KIAA1958: variants seen among roughly 807,000 people sequenced by gnomAD.
The protein encoded by KIAA1958 is KIAA1958.
In KIAA1958, 14 loss-of-function variants were observed where a neutral mutation model predicts 47.2. The ratio of observed to expected loss-of-function variants is 0.30; its 90% CI spans 0.20 to 0.46. The LOEUF (loss-of-function observed/expected upper bound fraction) is 0.46, where lower values mean the gene tolerates loss of function less well. Ranked by LOEUF, KIAA1958 falls within the 20% of genes least tolerant of loss-of-function variation. The probability of loss-of-function intolerance (pLI) is 1.00; values close to 1 mark genes in which losing one functional copy is unlikely to be tolerated. For synonymous variants in KIAA1958, 354 were observed against 353.3 expected (o/e 1.00, Z -0.02); for missense variants, 803 against 909.2 (o/e 0.88, Z 1.50).
intron 1 of KIAA1958, among the ~76,000 whole-genome samples, chr9:112,505,582 A>G (rs1199507733): frequency 3.9e-5 from 6 of 152,356 alleles, no homozygotes; most frequent in Non-Finnish European, 8.8e-5. Context: ...CAGGCAATGT[A>G]GTAATTTATT....
Position 112,665,269 on chromosome 9 carries a change from A to AT in KIAA1958, c.*5206dup, listed in dbSNP as rs953850688. 2.0e-5 allele frequency: 3 copies of AT among 152,110 alleles called. No homozygotes were observed. Among genetic ancestry groups the AT allele is most frequent in the African/African-American group, 4.8e-5 (2 of 41,494 alleles). The allele number at this position is 152,110 out of a possible 1,614,324, so 9.4% of individuals were successfully genotyped here. On this transcript the variant is annotated 3_prime_UTR_variant, in exon 4 of 4. Coordinates refer to ENST00000337530, the MANE Select transcript of KIAA1958 (RefSeq NM_133465.4). ...ACTGTGGTTATTGTTACATCTACTGATTTTTTCAAATAAAAATTTCTAGAA... is the reference window on the plus strand; with the variant it reads ...ACTGTGGTTATTGTTACATCTACTGATTTTTTTCAAATAAAAATTTCTAGAA...
intron 1 of KIAA1958, among the ~76,000 whole-genome samples, chr9:112,567,918 A>G (rs912449814): frequency 2.2e-5 from 3 of 134,184 alleles, no homozygotes; most frequent in African/African-American, 8.6e-5. Flanking sequence ...AGATTGTGCC[A>G]CTGTACAATC....
At chr9:112,610,911 A>G (rs1482787884) in intron 2 of KIAA1958, among the ~76,000 whole-genome samples, 1 of 152,244 alleles carries the variant, frequency 6.6e-6, no homozygotes, top group Non-Finnish European at 1.5e-5. Flanking sequence ...AGTGGGATTC[A>G]TAACAGACAT....
intron 1 of KIAA1958, among the ~76,000 whole-genome samples, chr9:112,555,813 G>T (rs567914910): frequency 6.6e-6 from 1 of 152,250 alleles, no homozygotes; most frequent in South Asian, 2.1e-4. Flanking sequence ...GGTGGCTCAC[G>T]CCTGTAATCC....
At chr9:112,590,359 T>TA in intron 2 of KIAA1958, among the ~76,000 whole-genome samples, 1 of 151,358 alleles carries the variant, frequency 6.6e-6, no homozygotes, top group East Asian at 1.9e-4. Context: ...TCTTTTTTTT[T>TA]TTTTTTTTTG....
At chr9:112,613,832 A>G (rs892116888) in intron 2 of KIAA1958, among the ~76,000 whole-genome samples, 2 of 152,208 alleles carry the variant, frequency 1.3e-5, no homozygotes, top group African/African-American at 4.8e-5. Flanking sequence ...GTAAATTGAT[A>G]TGACCACTTT....
chr9:112,602,044 A>G (rs1174523432), intron 2 of KIAA1958, among the ~76,000 whole-genome samples: 1 of 152,234 alleles, frequency 6.6e-6, no homozygotes, highest in Non-Finnish European at 1.5e-5. Flanking sequence ...GGCTTCAATT[A>G]GTAATGTTAA....
At chr9:112,534,636 C>T (rs558220582) in intron 1 of KIAA1958, among the ~76,000 whole-genome samples, 70 of 151,878 alleles carry the variant, frequency 4.6e-4, no homozygotes, top group Non-Finnish European at 7.7e-4. Flanking sequence ...CTCCGCCTCC[C>T]GGGTTCAAGC....
chr9:112,544,171 G>A (rs1234764885), intron 1 of KIAA1958, among the ~76,000 whole-genome samples: 11 of 151,962 alleles, frequency 7.2e-5, no homozygotes, highest in Admixed American at 5.2e-4. Flanking sequence ...CTTATCTGTA[G>A]CCTTCTTTAC....
rs751064884 is a variant in KIAA1958, at chr9:112,661,249, G to A, written c.*1180G>A. ...GTAGTTATAAAATTAGCGCATAATGGTAGGTAATGCAGTTTGAAACCATTT... is the reference window on the plus strand; with the variant it reads ...GTAGTTATAAAATTAGCGCATAATGATAGGTAATGCAGTTTGAAACCATTT... On this transcript the variant is annotated 3_prime_UTR_variant, in exon 4 of 4. Transcript: ENST00000337530. 2 of 152,166 alleles carry A rather than the reference G, an allele frequency of 1.3e-5. No homozygotes were observed. Among genetic ancestry groups the A allele is most frequent in the Non-Finnish European group, 2.9e-5 (2 of 68,038 alleles). 9.4% of individuals were successfully genotyped at this position (152,166 alleles called of 1,614,324 possible).
At chr9:112,488,254 C>G (rs958419297) in intron 1 of KIAA1958, among the ~76,000 whole-genome samples, 8 of 152,190 alleles carry the variant, frequency 5.3e-5, no homozygotes, top group African/African-American at 1.9e-4. Context: ...CTATTTTATT[C>G]CACGTATATA....
intron 1 of KIAA1958, among the ~76,000 whole-genome samples, chr9:112,532,747 G>A (rs1386080595): frequency 6.6e-6 from 1 of 152,158 alleles, no homozygotes; most frequent in East Asian, 1.9e-4. Flanking sequence ...ATAAGCTAGT[G>A]TACCTTTCAG....
chr9:112,502,887 G>C (rs1237579201), intron 1 of KIAA1958, among the ~76,000 whole-genome samples: 2 of 152,162 alleles, frequency 1.3e-5, no homozygotes, highest in African/African-American at 4.8e-5. Flanking sequence ...CCATCAGTAG[G>C]GGAATTATTG....
chr9:112,510,864 G>T (rs1409504857), intron 1 of KIAA1958, among the ~76,000 whole-genome samples: 1 of 152,032 alleles, frequency 6.6e-6, no homozygotes, highest in Non-Finnish European at 1.5e-5. Flanking sequence ...AGATCTAAAG[G>T]TTGTGAAGAA....
intron 1 of KIAA1958, among the ~76,000 whole-genome samples, chr9:112,553,637 A>G (rs1757740717): frequency 6.6e-6 from 1 of 152,202 alleles, no homozygotes; most frequent in South Asian, 2.1e-4. Context: ...AGTAAGTGCT[A>G]CATTACACTG....
At chr9:112,634,603 G>A (rs543552180) in intron 2 of KIAA1958, among the ~76,000 whole-genome samples, 42 of 152,146 alleles carry the variant, frequency 2.8e-4, no homozygotes, top group Non-Finnish European at 5.6e-4. Context: ...TTTTAAGTTC[G>A]AGGGTACATG....
chr9:112,649,123 T>C (rs1328075544), intron 3 of KIAA1958, among the ~76,000 whole-genome samples: 1 of 152,194 alleles, frequency 6.6e-6, no homozygotes, highest in Non-Finnish European at 1.5e-5. Context: ...TGTATAGCAA[T>C]AGTAACTATG....
Position 112,575,130 on chromosome 9 carries a change from C to G in KIAA1958, c.1050C>G (p.Val350=). The change falls in exon 2 of 4, where the codon GTC becomes GTG. Residue 350 remains valine (V), a synonymous_variant. Coordinates refer to ENST00000337530, the MANE Select transcript of KIAA1958 (RefSeq NM_133465.4). ...EEFLSHLPSQ[V]SSCEVALSPS... ...TCCTGTCCCATCTGCCCAGCCAGGT[C>G]TCCTCCTGTGAGGTAGCCCTTTCTC... The G allele has an allele frequency of 6.2e-7, 1 of 1,605,190 alleles. No homozygotes were observed. The highest frequency in any genetic ancestry group is 1.1e-5 in the South Asian group (1 of 91,064).
chr9:112,585,014 C>A (rs1227037893), intron 2 of KIAA1958, among the ~76,000 whole-genome samples: 1 of 152,150 alleles, frequency 6.6e-6, no homozygotes, highest in Non-Finnish European at 1.5e-5. Flanking sequence ...CTAAAGAGGT[C>A]ATTTATTTTT....
Sources: allele counts gnomAD v4.1 joint callset (sites outside exome capture counted in the v4.1 genomes callset), GRCh38; gene constraint gnomAD v4.1.1; transcripts MANE v1.5; gene names NCBI Gene and HGNC (gene_info 2026-07-23, HGNC 2026-07-21).